TTYH2: variants seen among roughly 807,000 people sequenced by gnomAD.
TTYH2 encodes protein tweety homolog 2.
In TTYH2, 49 loss-of-function variants were observed where a neutral mutation model predicts 68.3. The ratio of observed to expected loss-of-function variants is 0.72; its 90% CI spans 0.57 to 0.91. The LOEUF (loss-of-function observed/expected upper bound fraction) is 0.91. TTYH2 is among the 40% of genes least tolerant of loss of function. The pLI, the probability that TTYH2 is intolerant of heterozygous loss-of-function variation, is 0.00. For missense variants in TTYH2, 631 were observed against 700.4 expected, an observed-to-expected ratio of 0.90 and a Z score of 1.12; for synonymous variants, 272 against 300.8, an observed-to-expected ratio of 0.90 and a Z score of 0.99.
rs1293266497 is a variant in TTYH2 at position 74,217,061 on chromosome 17, T to A, written c.129+3345T>A. Among the ~76,000 whole-genome samples the A allele has an allele frequency of 6.6e-6, 1 of 152,216 alleles. No homozygotes were observed. Among genetic ancestry groups the A allele is most frequent in the Non-Finnish European group, 1.5e-5 (1 of 68,034 alleles). ...ATCCAGCAATGTCTCTCTGAGCAAA[T>A]GAACGAGGCACTTCGGTGTCCCTGC... On this transcript the variant is annotated intron_variant, in intron 1 of 13. Coordinates refer to ENST00000269346, the MANE Select transcript of TTYH2 (RefSeq NM_032646.6). This position sits in a 1 kb window ranked among gnomAD's most constrained non-coding sequence, Gnocchi z 4.0.
chr17:74,247,603 C>T (rs1043125428), intron 6 of TTYH2, among the ~76,000 whole-genome samples: 1 of 152,122 alleles, frequency 6.6e-6, no homozygotes, highest in Non-Finnish European at 1.5e-5. Context: ...TCTTGGTTCC[C>T]AAACTTCTTG....
intron 2 of TTYH2, among the ~76,000 whole-genome samples, chr17:74,224,413 C>T (rs902093630): frequency 1.1e-4 from 17 of 152,102 alleles, no homozygotes; most frequent in African/African-American, 4.1e-4. Context: ...CAGATACACA[C>T]ATACATGCAC....
chr17:74,226,290 G>A (rs1251607445), intron 2 of TTYH2, among the ~76,000 whole-genome samples: 1 of 152,208 alleles, frequency 6.6e-6, no homozygotes, highest in East Asian at 1.9e-4. Context: ...GCCAAGCCTG[G>A]AGGAAGCACA....
At position 74,215,641 on chromosome 17, in the gene TTYH2, T is replaced by C. The variant is rs2050215070; in HGVS notation, c.129+1925T>C. The stretch of plus-strand genomic sequence containing the variant: ...CCTCACCACCACTCAGATCGCTGAG[T>C]AGGAGATGAGCGTGGTGGGCCAGGA... On this transcript the variant is annotated intron_variant, in intron 1 of 13. Transcript: ENST00000269346. The surrounding 1 kb of genome is among the most constrained non-coding windows in gnomAD (Gnocchi z 4.3). 1 of 1,535,476 alleles carries C rather than the reference T, an allele frequency of 6.5e-7. No individual in the cohort carries two copies. The highest frequency in any genetic ancestry group is 1.4e-5 in the African/African-American group (1 of 73,016).
chr17:74,252,404 T>C (rs1161725612), intron 11 of TTYH2, 28 bp downstream of exon 11: 2 of 1,608,172 alleles, frequency 1.2e-6, no homozygotes, highest in Non-Finnish European at 1.7e-6. Context: ...GAGGGGAGCC[T>C]CCCACAGCCT....
chr17:74,233,444 T>C (rs1234645202), intron 3 of TTYH2, among the ~76,000 whole-genome samples: 2 of 152,174 alleles, frequency 1.3e-5, no homozygotes, highest in Non-Finnish European at 2.9e-5. Context: ...ATGACTGTGA[T>C]TATGAGTGCT....
chr17:74,250,803 C>G (rs1300904768), intron 10 of TTYH2: 1 of 155,366 alleles, frequency 6.4e-6, no homozygotes, highest in Non-Finnish European at 1.4e-5. Context: ...AGCCCCCCAC[C>G]CAAAAGCAGT....
At chr17:74,220,493 G>T (rs2050264771) in intron 1 of TTYH2, among the ~76,000 whole-genome samples, 1 of 152,194 alleles carries the variant, frequency 6.6e-6, no homozygotes, top group East Asian at 1.9e-4. Flanking sequence ...GTCACAGGGT[G>T]GTAAACTTTA....
At chr17:74,244,536 G>A (rs889893159) in intron 6 of TTYH2, among the ~76,000 whole-genome samples, 1 of 152,126 alleles carries the variant, frequency 6.6e-6, no homozygotes, top group Non-Finnish European at 1.5e-5. Context: ...AATGTCCCAG[G>A]ACTCCCGCGG....
intron 2 of TTYH2, among the ~76,000 whole-genome samples, chr17:74,227,497 G>A (rs1192562858): frequency 6.6e-6 from 1 of 152,178 alleles, no homozygotes; most frequent in Admixed American, 6.5e-5. Flanking sequence ...TTTAAATAAA[G>A]TTACAAATTG....
Position 74,260,853 on chromosome 17 carries a change from TGGTGAACCCCGGTGGGAACAGA to T in TTYH2, c.*651_*672del, listed in dbSNP as rs1403411356. 4 of 154,150 alleles carry T rather than the reference TGGTGAACCCCGGTGGGAACAGA, an allele frequency of 2.6e-5. No homozygotes were observed. Among genetic ancestry groups the T allele is most frequent in the Non-Finnish European group, 1.4e-5 (1 of 69,004 alleles). 9.5% of individuals were successfully genotyped at this position (154,150 alleles called of 1,614,324 possible). ...GCTCCGGGGCTGGGGGATCACAGGCTGGTGAACCCCGGTGGGAACAGAGGTGAAAGCCTGCCACATTCCGCCT... is the reference window on the plus strand; with the variant it reads ...GCTCCGGGGCTGGGGGATCACAGGCTGGTGAAAGCCTGCCACATTCCGCCT... On this transcript the variant is annotated 3_prime_UTR_variant, in exon 14 of 14. Coordinates refer to ENST00000269346, the MANE Select transcript of TTYH2 (RefSeq NM_032646.6).
Position 74,215,115 on chromosome 17 carries a change from A to C in TTYH2, c.129+1399A>C, listed in dbSNP as rs558991000. Among the ~76,000 whole-genome samples, 11 of 151,776 alleles carry C rather than the reference A, an allele frequency of 7.2e-5. No homozygotes were observed. The highest frequency in any genetic ancestry group is 2.2e-4 in the African/African-American group (9 of 41,312). Reference sequence around the variant, plus strand: ...GGCTGCCTGGGGATAGCTCCAGGGAATCTTCCTCTCCCAGAGAATGCATGA... The same window carrying C: ...GGCTGCCTGGGGATAGCTCCAGGGACTCTTCCTCTCCCAGAGAATGCATGA... On this transcript the variant is annotated intron_variant, in intron 1 of 13. Coordinates refer to ENST00000269346, the MANE Select transcript of TTYH2 (RefSeq NM_032646.6). The surrounding 1 kb of genome is among the most constrained non-coding windows in gnomAD (Gnocchi z 4.3).
intron 12 of TTYH2, among the ~76,000 whole-genome samples, 191 bp downstream of exon 12, chr17:74,253,457 A>G (rs1490339489): frequency 2.6e-5 from 4 of 152,122 alleles, no homozygotes; most frequent in African/African-American, 9.7e-5. Context: ...GTGCTGGGGG[A>G]AGAAACCACT....
At chr17:74,226,702 G>C (rs1227521573) in intron 2 of TTYH2, among the ~76,000 whole-genome samples, 6 of 152,076 alleles carry the variant, frequency 3.9e-5, no homozygotes, top group Non-Finnish European at 1.5e-5. Context: ...GACCAACAAG[G>C]GGTTCCTGAA....
At position 74,260,675 on chromosome 17, in the gene TTYH2, A is replaced by G. The variant is rs1276402887; in HGVS notation, c.*466A>G. 1 of 188,022 alleles carries G rather than the reference A, an allele frequency of 5.3e-6. No homozygotes were observed. Among genetic ancestry groups the G allele is most frequent in the Non-Finnish European group, 1.1e-5 (1 of 87,304 alleles). 11.6% of individuals were successfully genotyped at this position (188,022 alleles called of 1,614,324 possible). ...TTCCCTGTCCTCGTTCCCTGCAGGTAACATGAGAAGGGCTGATCAGGAGAT... is the reference window on the plus strand; with the variant it reads ...TTCCCTGTCCTCGTTCCCTGCAGGTGACATGAGAAGGGCTGATCAGGAGAT... On this transcript the variant is annotated 3_prime_UTR_variant, in exon 14 of 14. Transcript: ENST00000269346.
chr17:74,251,174 G>C (rs1395881825), intron 10 of TTYH2, among the ~76,000 whole-genome samples: 12 of 151,554 alleles, frequency 7.9e-5, no homozygotes. Flanking sequence ...GTATGTGCAT[G>C]CTTGTGCGCA....
intron 10 of TTYH2, among the ~76,000 whole-genome samples, chr17:74,251,177 T>G (rs1199610528): frequency 2.0e-5 from 3 of 151,564 alleles, no homozygotes; most frequent in Admixed American, 6.6e-5. Context: ...TGTGCATGCT[T>G]GTGCGCATGT....
chr17:74,249,451 A>G, intron 8 of TTYH2, 52 bp downstream of exon 8: 2 of 1,595,754 alleles, frequency 1.3e-6, no homozygotes, highest in Non-Finnish European at 1.7e-6. Context: ...CTCCCCCTTG[A>G]CCCTAAGCCT....
At chr17:74,238,573 A>AT (rs1233047043) in intron 4 of TTYH2, among the ~76,000 whole-genome samples, 1 of 151,476 alleles carries the variant, frequency 6.6e-6, no homozygotes, top group African/African-American at 2.4e-5. Context: ...GTTTAAAAAA[A>AT]TTTTTTTTTG....
Sources: allele counts gnomAD v4.1 joint callset (sites outside exome capture counted in the v4.1 genomes callset), GRCh38; gene constraint gnomAD v4.1.1; non-coding constraint Gnocchi (gnomAD v3.1); transcripts MANE v1.5; gene names NCBI Gene and HGNC (gene_info 2026-07-23, HGNC 2026-07-21).